SYNE3: variants seen among roughly 807,000 people sequenced by gnomAD.
SYNE3 encodes nesprin-3.
SYNE3 carries 100 observed loss-of-function variants against 111.2 expected under a neutral mutation model. The ratio of observed to expected loss-of-function variants is 0.90; its 90% confidence interval spans 0.77 to 1.06. SYNE3 has a LOEUF of 1.06. SYNE3 is among the 50% of genes least tolerant of loss of function. The pLI is 0.00. For missense variants in SYNE3, 1,160 were observed against 1,240.3 expected, an observed-to-expected ratio of 0.94 and a Z score of 0.97; for synonymous variants, 547 against 533.9, an observed-to-expected ratio of 1.02 and a Z score of -0.34.
At chr14:95,499,161 G>C (rs778621593) in intron 1 of SYNE3, among the ~76,000 whole-genome samples, 1 of 152,190 alleles carries the variant, frequency 6.6e-6, no homozygotes, top group Non-Finnish European at 1.5e-5. Flanking sequence ...GCTTAGGCAC[G>C]AGGATGTTTC....
rs746403956 is a variant in SYNE3 at position 95,452,320 on chromosome 14, C to T, written c.1201G>A (p.Glu401Lys). 4.3e-6 allele frequency: 7 copies of T among 1,614,026 alleles called. No individual in the cohort carries two copies. The highest frequency in any genetic ancestry group is 5.1e-6 in the Non-Finnish European group (6 of 1,179,954). The change falls in exon 7 of 18, where the codon GAG becomes AAG. Residue 401 changes from glutamate to lysine, a missense_variant. Physicochemically the swap from Glu to Lys is moderately conservative, Grantham distance 56. Transcript: ENST00000682763. The stretch of plus-strand genomic sequence containing the variant: ...AGGTTGTGAGGGAAGACGATGAGCT[C>T]CTTCAGCTGGGCTTGCAGCCGGTCC... ...RVDRLQAQLK[E>K]LIVFPHNLKP... is the part of the protein sequence containing the mutation.
chr14:95,408,334 G>A lies in SYNE3; in HGVS notation c.*9492C>T, dbSNP rs759918180. The A allele has an allele frequency of 1.3e-5, 2 of 152,110 alleles. No homozygotes were observed. The highest frequency in any genetic ancestry group is 2.9e-5 in the Non-Finnish European group (2 of 68,040). The allele number at this position is 152,110 out of a possible 1,614,324, so 9.4% of individuals were successfully genotyped here. A position where few individuals can be genotyped will look rare whatever the true frequency, so the allele number is the denominator to read the frequency against. On this transcript the variant is annotated 3_prime_UTR_variant, in exon 18 of 18. Coordinates refer to ENST00000682763, the MANE Select transcript of SYNE3 (RefSeq NM_152592.6). The stretch of plus-strand genomic sequence containing the variant: ...TTCCCAACACACACACACAGAAAGA[G>A]AGAGAGAAAGGAGAAAATTTAGGAC...
At chr14:95,505,843 G>A (rs1890507747) in intron 1 of SYNE3, among the ~76,000 whole-genome samples, 1 of 152,200 alleles carries the variant, frequency 6.6e-6, no homozygotes, top group South Asian at 2.1e-4. Flanking sequence ...AGAGAGGCTA[G>A]TGTTGGAGAG....
At chr14:95,499,590 T>C (rs184880029) in intron 1 of SYNE3, among the ~76,000 whole-genome samples, 140 of 152,292 alleles carry the variant, frequency 9.2e-4, no homozygotes, top group African/African-American at 3.3e-3. Flanking sequence ...CCATGAGGTA[T>C]TTGTACACAT....
chr14:95,498,120 CA>C (rs1453540931), intron 1 of SYNE3, among the ~76,000 whole-genome samples: 2 of 151,304 alleles, frequency 1.3e-5, no homozygotes, highest in Non-Finnish European at 2.9e-5. Context: ...GTGGTATTAA[CA>C]ATTTTTTTTA....
At chr14:95,482,160 G>C (rs190727788) in intron 1 of SYNE3, among the ~76,000 whole-genome samples, 2 of 152,194 alleles carry the variant, frequency 1.3e-5, no homozygotes, top group African/African-American at 2.4e-5. Context: ...GGGGCCAGGC[G>C]TGGTGACTCA....
intron 1 of SYNE3, among the ~76,000 whole-genome samples, chr14:95,511,959 G>A (rs1890738071): frequency 1.3e-5 from 2 of 152,252 alleles, no homozygotes; most frequent in South Asian, 4.1e-4. Context: ...TATAAAACCA[G>A]TAGATTGGTC....
intron 17 of SYNE3, among the ~76,000 whole-genome samples, chr14:95,421,549 G>C (rs1021224850): frequency 2.6e-5 from 4 of 152,194 alleles, no homozygotes; most frequent in Non-Finnish European, 5.9e-5. Flanking sequence ...TGTTGGGAGA[G>C]AGTGATACTT....
At chr14:95,430,847 T>G (rs1885720396) in intron 17 of SYNE3, among the ~76,000 whole-genome samples, 3 of 151,586 alleles carry the variant, frequency 2.0e-5, no homozygotes, top group Admixed American at 2.0e-4. Flanking sequence ...AAAGCTCCAT[T>G]TTATAGATGG....
intron 1 of SYNE3, among the ~76,000 whole-genome samples, chr14:95,511,671 C>T (rs1037348858): frequency 7.9e-5 from 12 of 152,094 alleles, no homozygotes; most frequent in African/African-American, 2.9e-4. Context: ...GCTGAGATCA[C>T]ACCACTGCAC....
At chr14:95,449,356 A>G (rs967234826) in intron 8 of SYNE3, 2 of 891,632 alleles carry the variant, frequency 2.2e-6, no homozygotes, top group African/African-American at 1.8e-5. Context: ...TGCGGGTGTC[A>G]GGGGAAGATT....
At chr14:95,424,128 C>T (rs916654309) in intron 17 of SYNE3, among the ~76,000 whole-genome samples, 9 of 152,128 alleles carry the variant, frequency 5.9e-5, no homozygotes, top group Non-Finnish European at 1.0e-4. Context: ...CAAGAGCTCA[C>T]GCAGTCTGAA....
At chr14:95,473,331 A>C (rs1458864859) in intron 2 of SYNE3, among the ~76,000 whole-genome samples, 1 of 151,886 alleles carries the variant, frequency 6.6e-6, no homozygotes, top group Non-Finnish European at 1.5e-5. Flanking sequence ...CAGAACCACC[A>C]CCTGGAGGGA....
chr14:95,495,085 C>T (rs1342948261), intron 1 of SYNE3, among the ~76,000 whole-genome samples: 1 of 150,796 alleles, frequency 6.6e-6, no homozygotes, highest in Non-Finnish European at 1.5e-5. Context: ...GCACTCCAGC[C>T]TGGGCAACAG....
chr14:95,432,245 T>G (rs1885815286), intron 16 of SYNE3, 128 bp from the exon 17 acceptor site: 4 of 1,093,460 alleles, frequency 3.7e-6, no homozygotes, highest in South Asian at 1.5e-5. Context: ...AAACTTCTGG[T>G]CATCTGGACA....
At chr14:95,446,118 C>T in intron 8 of SYNE3, 27 bp from the exon 9 acceptor site, 1 of 1,612,490 alleles carries the variant, frequency 6.2e-7, no homozygotes, top group East Asian at 2.2e-5. Flanking sequence ...TTCCGTGAAC[C>T]ACAGACCGGG....
chr14:95,459,056 T>C (rs1180356170), intron 4 of SYNE3, among the ~76,000 whole-genome samples: 1 of 152,184 alleles, frequency 6.6e-6, no homozygotes, highest in East Asian at 1.9e-4. Context: ...ACTGTTTCTG[T>C]CAAGGGCCAC....
chr14:95,439,071 T>C lies in SYNE3; in HGVS notation c.2338A>G (p.Ile780Val). 3.1e-6 allele frequency: 5 copies of C among 1,613,582 alleles called. No homozygotes were observed. The highest frequency in any genetic ancestry group is 4.2e-6 in the Non-Finnish European group (5 of 1,179,460). The stretch of plus-strand genomic sequence containing the variant: ...CTGGGAATAGGATCCATGGGATTGA[T>C]GAGAAATCCTGACTTTGGGATGTTG... ...TNNIPKSGFLINPMDPIPRHR... is the reference protein window; with the variant it reads ...TNNIPKSGFLVNPMDPIPRHR... The change falls in exon 14 of 18, where the codon ATC becomes GTC. Residue 780 changes from isoleucine (I) to valine (V), a missense_variant. Transcript: ENST00000682763.
chr14:95,435,225 A>G (rs1327899564), intron 15 of SYNE3, among the ~76,000 whole-genome samples: 2 of 147,596 alleles, frequency 1.4e-5, no homozygotes, highest in Non-Finnish European at 3.0e-5. Flanking sequence ...CAGTTAAGAC[A>G]GGAGCTATAA....
Sources: gnomAD v4.1 joint callset for allele counts (sites outside exome capture counted in the v4.1 genomes callset) on GRCh38, gnomAD v4.1.1 for gene constraint, MANE v1.5 for transcripts, NCBI Gene and HGNC (gene_info 2026-07-23, HGNC 2026-07-21) for gene names.